The following NOL8 variants were observed in gnomAD, a reference collection of about 807,000 sequenced individuals.
The protein encoded by NOL8 is nucleolar protein Nop132.
Under a neutral mutation model 116.1 loss-of-function variants are expected in NOL8, and 93 were observed. That is an observed-to-expected ratio of 0.80 (90% CI 0.68 to 0.95). NOL8 has a LOEUF of 0.95. Ranked by LOEUF, NOL8 falls within the 40% of genes least tolerant of loss-of-function variation. The pLI is 0.00. For missense variants in NOL8, 1,291 were observed against 1,382.8 expected (o/e 0.93, Z 1.05); for synonymous variants, 419 against 469.0 (o/e 0.89, Z 1.38).
In NOL8 at chr9:92,324,303, G is replaced by A. The variant is rs1840239615; in HGVS notation, c.-48-94C>T. 19 of 1,017,472 alleles carry A rather than the reference G, an allele frequency of 1.9e-5. 2 individuals carry two copies. The South Asian group carries it at 3.2e-4, about 17-fold the overall frequency. 63.0% of individuals were successfully genotyped at this position (1,017,472 alleles called of 1,614,324 possible). On this transcript the variant is annotated intron_variant, in intron 1 of 16. Transcript: ENST00000442668. ...CCTTCTGTATCAAATCCGTCTCCTG[G>A]ATCTGTATTTCACTTCCTATTGTAT... is the stretch of plus-strand genomic sequence containing the variant.
At position 92,315,506 on chromosome 9, in the gene NOL8, A is replaced by C. The variant is rs1839304657; in HGVS notation, c.1119T>G (p.Asp373Glu). ...CTGTATCTCCTGAGTCATACTCACGATCATTTCTCATAATATCATCATCAC... is the reference window on the plus strand; with the variant it reads ...CTGTATCTCCTGAGTCATACTCACGCTCATTTCTCATAATATCATCATCAC... ...HDSDDDIMRN[D>E]REYDSGDTDE... The change falls in exon 7 of 17, where the codon GAT becomes GAG. Residue 373 changes from aspartate (D) to glutamate (E), a missense_variant. Physicochemically the swap from Asp to Glu is conservative, Grantham distance 45 (BLOSUM62 2). Transcript: ENST00000442668. The C allele has an allele frequency of 1.2e-6, 2 of 1,610,374 alleles. No homozygotes were observed. The highest frequency in any genetic ancestry group is 2.2e-5 in the East Asian group (1 of 44,834).
chr9:92,303,688 C>G (rs1837961703), intron 12 of NOL8, among the ~76,000 whole-genome samples: 1 of 152,174 alleles, frequency 6.6e-6, no homozygotes, highest in Non-Finnish European at 1.5e-5. Context: ...ACCTGTATTT[C>G]CAGCTATGTG....
chr9:92,304,289 T>C (rs1217100989), intron 12 of NOL8, among the ~76,000 whole-genome samples: 1 of 152,216 alleles, frequency 6.6e-6, no homozygotes, highest in Non-Finnish European at 1.5e-5. Context: ...TGTGACTCCT[T>C]TGTGCCTGTT....
chr9:92,300,849 C>T (rs1271149290), intron 13 of NOL8: 16 of 1,055,816 alleles, frequency 1.5e-5, no homozygotes, highest in Non-Finnish European at 1.9e-5. Context: ...ATCTACCAAA[C>T]ACATGTATGC....
At chr9:92,323,745 T>C (rs1347415517) in intron 2 of NOL8, among the ~76,000 whole-genome samples, 1 of 152,142 alleles carries the variant, frequency 6.6e-6, no homozygotes, top group East Asian at 1.9e-4. Flanking sequence ...ATGCTAGTGA[T>C]AGTCTACTTA....
chr9:92,305,704 T>C (rs371505829), intron 12 of NOL8, 49 bp downstream of exon 12: 16 of 1,271,748 alleles, frequency 1.3e-5, no homozygotes, highest in Admixed American at 1.7e-5. Flanking sequence ...TTGTCTGAAA[T>C]GAGATTAATT....
chr9:92,309,627 T>C (rs1020593947), intron 10 of NOL8, among the ~76,000 whole-genome samples: 2 of 152,068 alleles, frequency 1.3e-5, no homozygotes, highest in Non-Finnish European at 2.9e-5. Flanking sequence ...TAGAAAAAGA[T>C]TGGAAGTACT....
intron 9 of NOL8, 95 bp downstream of exon 9, chr9:92,310,458 G>A: frequency 2.2e-6 from 3 of 1,372,562 alleles, no homozygotes; most frequent in Non-Finnish European, 3.0e-6. Context: ...ATGCTATAAT[G>A]TAGGTTAAGG....
Position 92,314,794 on chromosome 9 carries a change from T to G in NOL8, c.1831A>C (p.Ile611Leu). Residue 611 changes from isoleucine to leucine, a missense_variant, in exon 7 of 17, where the codon ATA (isoleucine) becomes CTA (leucine). By Grantham distance (5) the Ile-to-Leu change is conservative (BLOSUM62 2). Coordinates refer to ENST00000442668, the MANE Select transcript of NOL8 (RefSeq NM_017948.6). ...NSMKHEDPSI[I>L]SMEDGSPYVN... ...TATGGGGACCCATCTTCCATGGATA[T>G]GATACTGGGATCCTCATGTTTCATG... 1 of 1,613,744 alleles carries G rather than the reference T, an allele frequency of 6.2e-7. No homozygotes were observed.
chr9:92,314,938 C>T lies in NOL8; in HGVS notation c.1687G>A (p.Glu563Lys), dbSNP rs371228930. ...ENTCGKQKPKENNLKPKFQAF... is the reference protein window; with the variant it reads ...ENTCGKQKPKKNNLKPKFQAF... ...TGAAATTTTGGCTTTAAATTGTTTT[C>T]CTTTGGTTTCTGTTTGCCACAGGTG... Residue 563 changes from glutamate to lysine, a missense_variant, in exon 7 of 17, where the codon GAA (glutamate) becomes AAA (lysine). Coordinates refer to ENST00000442668, the MANE Select transcript of NOL8 (RefSeq NM_017948.6). 1.7e-5 allele frequency: 27 copies of T among 1,613,836 alleles called. No homozygotes were observed. In the East Asian group the frequency reaches 4.7e-4, roughly 28 times the overall value.
At chr9:92,298,208 TA>T in intron 16 of NOL8, 48 bp downstream of exon 16, 1 of 1,343,492 alleles carries the variant, frequency 7.4e-7, no homozygotes, top group Non-Finnish European at 1.0e-6. Context: ...TAATTCTAGA[TA>T]GGTAACATGT....
At chr9:92,299,380 T>C (rs569027980) in intron 14 of NOL8, among the ~76,000 whole-genome samples, 2 of 152,304 alleles carry the variant, frequency 1.3e-5, no homozygotes, top group South Asian at 4.1e-4. Flanking sequence ...ACAAACTATC[T>C]TCCCCTTAGT....
intron 3 of NOL8, among the ~76,000 whole-genome samples, chr9:92,322,517 C>T (rs1840010985): frequency 6.6e-6 from 1 of 152,144 alleles, no homozygotes; most frequent in Non-Finnish European, 1.5e-5. Flanking sequence ...CCACCACACC[C>T]AGCTAATTGT....
chr9:92,297,465 C>A lies in NOL8; in HGVS notation c.*371G>T, dbSNP rs1837336060. 5.8e-6 allele frequency: 1 copy of A among 173,140 alleles called. No homozygotes were observed. The highest frequency in any genetic ancestry group is 1.9e-4 in the South Asian group (1 of 5,290). 10.7% of individuals were successfully genotyped at this position (173,140 alleles called of 1,614,324 possible). The stretch of plus-strand genomic sequence containing the variant: ...AATTTCAAATAGCCTATAATTCACA[C>A]AAAGCCTAGGCTGGAAAATACAAGT... On this transcript the variant is annotated 3_prime_UTR_variant, in exon 17 of 17. Transcript: ENST00000442668.
At chr9:92,308,702 G>T (rs1423353940) in intron 10 of NOL8, among the ~76,000 whole-genome samples, 2 of 152,200 alleles carry the variant, frequency 1.3e-5, no homozygotes, top group Non-Finnish European at 2.9e-5. Context: ...AGGAAGTTAT[G>T]ATGCAATTGG....
At chr9:92,298,387 G>T in intron 15 of NOL8, 51 bp from the exon 16 acceptor site, 3 of 1,170,782 alleles carry the variant, frequency 2.6e-6, no homozygotes, top group Non-Finnish European at 3.7e-6. Flanking sequence ...TACTAAAATT[G>T]GTAATATTCT....
In NOL8 at chr9:92,298,907, G is replaced by T; in HGVS notation, c.3350C>A (p.Ser1117Tyr). ...EKETTRFFFF[S>Y]KNDERLQGSD... ...ACCTTGAAGTCGTTCATCATTCTTA[G>T]AGAAAAAGAAAAATCTAGTGGTCTC... The change falls in exon 15 of 17, where the codon TCT becomes TAT. Residue 1117 changes from serine to tyrosine, a missense_variant. Transcript: ENST00000442668. The T allele has an allele frequency of 1.3e-6, 2 of 1,537,556 alleles. No homozygotes were observed. The highest frequency in any genetic ancestry group is 1.8e-6 in the Non-Finnish European group (2 of 1,138,612).
intron 10 of NOL8, among the ~76,000 whole-genome samples, chr9:92,307,253 A>G (rs752078324): frequency 2.0e-5 from 3 of 152,224 alleles, no homozygotes; most frequent in Non-Finnish European, 4.4e-5. Flanking sequence ...CCTAATTATG[A>G]AAGTCTGAAT....
intron 10 of NOL8, chr9:92,308,893 T>C (rs1276557328): frequency 6.6e-6 from 1 of 152,056 alleles, no homozygotes; most frequent in Admixed American, 6.5e-5. Flanking sequence ...GTTAAGAAAA[T>C]AACCTATGTA....
Sources: gnomAD v4.1 joint callset for allele counts (sites outside exome capture counted in the v4.1 genomes callset) on GRCh38, gnomAD v4.1.1 for gene constraint, MANE v1.5 for transcripts, NCBI Gene and HGNC (gene_info 2026-07-23, HGNC 2026-07-21) for gene names.